The following DYNC2LI1 variants were observed in gnomAD, a reference collection of about 807,000 sequenced individuals.
DYNC2LI1 encodes the protein cytoplasmic dynein 2 light intermediate chain 1.
DYNC2LI1 carries 45 observed loss-of-function variants against 51.9 expected under a neutral mutation model. The ratio of observed to expected loss-of-function variants is 0.87; its 90% confidence interval spans 0.68 to 1.11. The LOEUF is 1.11. DYNC2LI1 is among the 50% of genes most tolerant of loss of function. The pLI, the probability that DYNC2LI1 is intolerant of heterozygous loss-of-function variation, is 0.00. For synonymous variants in DYNC2LI1, 130 were observed against 137.8 expected (o/e 0.94, Z 0.40); for missense variants, 490 against 417.4 (o/e 1.17, Z -1.51).
At chr2:43,799,107 C>T (rs1665988511) in intron 8 of DYNC2LI1, among the ~76,000 whole-genome samples, 1 of 152,088 alleles carries the variant, frequency 6.6e-6, no homozygotes, top group Admixed American at 6.6e-5. Context: ...CAAGACCAGC[C>T]TGGGCAACAA....
intron 10 of DYNC2LI1, 77 bp from the exon 11 acceptor site, chr2:43,804,565 A>C: frequency 1.1e-6 from 1 of 908,968 alleles, no homozygotes; most frequent in Non-Finnish European, 1.7e-6. Context: ...TACCTTTGTT[A>C]GTGTCATTTC....
chr2:43,826,884 C>T, the DYNC2LI1 span, among the ~76,000 whole-genome samples: 1 of 152,210 alleles, frequency 6.6e-6, no homozygotes, highest in Non-Finnish European at 1.5e-5. Context: ...GTCAAAAAGA[C>T]AACCCCATTT....
Position 43,808,386 on chromosome 2 carries a change from A to G in DYNC2LI1, c.994-1319A>G, listed in dbSNP as rs187757276. Reference sequence around the variant, plus strand: ...AAAGGTACGCTCTGCAATTTTTCTGAAAATTAGAATGGATTTTCTTTTCAT... The same window carrying G: ...AAAGGTACGCTCTGCAATTTTTCTGGAAATTAGAATGGATTTTCTTTTCAT... On this transcript the variant is annotated intron_variant, in intron 12 of 12. Transcript: ENST00000260605. Among the ~76,000 whole-genome samples, 864 of 152,264 alleles carry G rather than the reference A, an allele frequency of 5.7e-3. 4 individuals are homozygous for G. The highest frequency in any genetic ancestry group is 8.4e-3 in the Non-Finnish European group (570 of 68,010).
At chr2:43,776,955 T>A (rs1280032256) in intron 2 of DYNC2LI1, 56 bp downstream of exon 2, 1 of 916,240 alleles carries the variant, frequency 1.1e-6, no homozygotes, top group Non-Finnish European at 1.8e-6. Context: ...TGGTAAAATA[T>A]CTGTTAATAC....
chr2:43,796,737 G>T lies in DYNC2LI1; in HGVS notation c.596G>T (p.Arg199Ile), dbSNP rs1445924211. Residue 199 changes from arginine to isoleucine, a missense_variant, in exon 8 of 13, where the codon AGA (arginine) becomes ATA (isoleucine). Arg to Ile is a moderately conservative substitution (Grantham distance 97, BLOSUM62 -3). Coordinates refer to ENST00000260605, the MANE Select transcript of DYNC2LI1 (RefSeq NM_016008.4). ...DVFQDFESEK[R>I]KVICKTLRFV... ...CTACAGGATTTTGAGTCTGAGAAGA[G>T]AAAGGTAATATGCAAGACACTTCGA... 1 of 1,613,186 alleles carries T rather than the reference G, an allele frequency of 6.2e-7. No individual in the cohort carries two copies. The highest frequency in any genetic ancestry group is 1.1e-5 in the South Asian group (1 of 91,026).
chr2:43,779,870 GTTTTTCT>G (rs953786250), intron 2 of DYNC2LI1, among the ~76,000 whole-genome samples: 6 of 152,202 alleles, frequency 3.9e-5, no homozygotes, highest in African/African-American at 1.4e-4. Context: ...AGAGTACATG[GTTTTTCT>G]CCACCATCAC....
downstream of DYNC2LI1, among the ~76,000 whole-genome samples, chr2:43,813,709 G>GTTTTTTTTTTTTTTT (rs1214033245): frequency 2.9e-3 from 98 of 34,058 alleles, 2 homozygotes; most frequent in Non-Finnish European, 3.4e-3. Flanking sequence ...TTTTTTTTTC[G>GTTTTTTTTTTTTTTT]TTTTTTTTTT....
chr2:43,805,241 G>T lies in DYNC2LI1; in HGVS notation c.988G>T (p.Asp330Tyr). The T allele has an allele frequency of 6.3e-7, 1 of 1,597,192 alleles. No homozygotes were observed. The highest frequency in any genetic ancestry group is 1.1e-5 in the South Asian group (1 of 90,456). The change falls in exon 12 of 13, where the codon GAT becomes TAT. Residue 330 changes from aspartate (D) to tyrosine (Y), a missense_variant. Coordinates refer to ENST00000260605, the MANE Select transcript of DYNC2LI1 (RefSeq NM_016008.4). Reference sequence around the variant, plus strand: ...AGTCGATGAGATGAGAATTCAGAAGGATCTGGTATTATCCTAAACATTTAC... The same window carrying T: ...AGTCGATGAGATGAGAATTCAGAAGTATCTGGTATTATCCTAAACATTTAC... The part of the protein sequence containing the change: ...NEVDEMRIQK[D>Y]LELEQYKRSS...
chr2:43,801,639 C>T lies in DYNC2LI1; in HGVS notation c.732C>T (p.Ser244=). ...INQLAFGIDK[S]KSICVDQNKP... is the part of the protein sequence containing the mutation. ...TAGAATCTTTCTCTTCTCCACGTAG[C>T]AAATCAATATGTGTGGATCAGAATA... Residue 244 remains serine (S), a splice_region_variant and synonymous_variant, in exon 10 of 13, where the codon AGC becomes AGT. Coordinates refer to ENST00000260605, the MANE Select transcript of DYNC2LI1 (RefSeq NM_016008.4). 1.2e-6 allele frequency: 2 copies of T among 1,605,904 alleles called. No homozygotes were observed. The highest frequency in any genetic ancestry group is 1.7e-6 in the Non-Finnish European group (2 of 1,175,608).
chr2:43,816,010 T>C, the DYNC2LI1 span, among the ~76,000 whole-genome samples: 1 of 151,700 alleles, frequency 6.6e-6, no homozygotes, highest in Non-Finnish European at 1.5e-5. Flanking sequence ...GGCTGCCTAG[T>C]GGCTAGGGTG....
At chr2:43,816,593 G>C in the DYNC2LI1 span, among the ~76,000 whole-genome samples, 1 of 152,134 alleles carries the variant, frequency 6.6e-6, no homozygotes, top group Non-Finnish European at 1.5e-5. Context: ...ACCTAGGCTG[G>C]AGTGCAGTGG....
Position 43,776,133 on chromosome 2 carries a change from C to A in DYNC2LI1, c.9-649C>A, listed in dbSNP as rs982181601. On this transcript the variant is annotated intron_variant, in intron 1 of 12. Transcript: ENST00000260605. ...CATGTGCCATGTTGGTTTGCTGCACCCATTAATTCATCATTTACATTAGGT... is the reference window on the plus strand; with the variant it reads ...CATGTGCCATGTTGGTTTGCTGCACACATTAATTCATCATTTACATTAGGT... 1.7e-4 allele frequency among the ~76,000 whole-genome samples: 26 copies of A among 151,714 alleles called. 1 individual carries two copies. The East Asian group carries it at 3.7e-3, about 22-fold the overall frequency.
At chr2:43,814,509 A>G, downstream of DYNC2LI1, 1 of 1,608,820 alleles carries the variant, frequency 6.2e-7, no homozygotes, top group South Asian at 1.1e-5. Context: ...GAACTCATTG[A>G]CTACAAGAAT....
downstream of DYNC2LI1, chr2:43,814,506 T>C (rs146534033): frequency 1.4e-4 from 219 of 1,608,272 alleles, 1 homozygote; most frequent in Admixed American, 1.3e-3. Flanking sequence ...GTAGAACTCA[T>C]TGACTACAAG....
At chr2:43,825,029 A>C in the DYNC2LI1 span, 1 of 1,613,346 alleles carries the variant, frequency 6.2e-7, no homozygotes, top group Non-Finnish European at 8.5e-7. Flanking sequence ...CTGACCAGAC[A>C]ACAGACGTAG....
At chr2:43,810,364 C>G (rs970580079), downstream of DYNC2LI1, 21 of 985,232 alleles carry the variant, frequency 2.1e-5, no homozygotes, top group Non-Finnish European at 2.5e-5. Context: ...TTTTAAATAC[C>G]ACTTTTTGAA....
At chr2:43,775,672 T>G in intron 1 of DYNC2LI1, 1 of 391,570 alleles carries the variant, frequency 2.6e-6, no homozygotes, top group South Asian at 1.9e-5. Context: ...TAATTTCTTT[T>G]CTTTTTCTTT....
rs761548984 is a variant in DYNC2LI1 at position 43,805,164 on chromosome 2, C to T, written c.911C>T (p.Thr304Met). 44 of 1,607,638 alleles carry T rather than the reference C, an allele frequency of 2.7e-5. No homozygotes were observed. The highest frequency in any genetic ancestry group is 1.7e-4 in the Middle Eastern group (1 of 6,044). The change falls in exon 12 of 13, where the codon ACG (threonine) becomes ATG (methionine). Residue 304 changes from threonine (T) to methionine (M), a missense_variant. Transcript: ENST00000260605. ...EKLFPPKSIN[T>M]LKDIKDPARD... ...GATTTGTAATTTCAGAGTATTAACACGCTGAAAGATATCAAGGACCCTGCG... is the reference window on the plus strand; with the variant it reads ...GATTTGTAATTTCAGAGTATTAACATGCTGAAAGATATCAAGGACCCTGCG...
intron 12 of DYNC2LI1, among the ~76,000 whole-genome samples, chr2:43,807,195 C>T (rs1666291290): frequency 6.6e-6 from 1 of 152,012 alleles, no homozygotes; most frequent in Non-Finnish European, 1.5e-5. Context: ...GCTGTGAAGT[C>T]AGTCCTCAAG....
Sources: allele counts gnomAD v4.1 joint callset (sites outside exome capture counted in the v4.1 genomes callset), GRCh38; gene constraint gnomAD v4.1.1; transcripts MANE v1.5; gene names NCBI Gene and HGNC (gene_info 2026-07-23, HGNC 2026-07-21).